CFAP47: variants seen among roughly 807,000 people sequenced by gnomAD.
CFAP47 encodes cilia and flagella associated protein 47, also known as cilia- and flagella-associated protein 47.
CFAP47 carries 29 observed loss-of-function variants against 148.1 expected under a neutral mutation model. The observed-to-expected ratio is 0.20, with a 90% CI of 0.15 to 0.27. The LOEUF is 0.27. CFAP47 is among the 10% of genes least tolerant of loss of function. CFAP47 has a pLI of 1.00. For synonymous variants in CFAP47, 664 were observed against 577.3 expected, an observed-to-expected ratio of 1.15 and a Z score of -2.15; for missense variants, 1,872 against 1,697.5, an observed-to-expected ratio of 1.10 and a Z score of -1.81.
intron 40 of CFAP47, among the ~76,000 whole-genome samples, chrX:36,181,061 T>C (rs73472859): frequency 0.017 from 1,913 of 112,076 alleles, 49 homozygotes; most frequent in African/African-American, 0.058. Context: ...CTGAATGGAC[T>C]TCAAATAACT....
At chrX:36,352,966 CA>C (rs2146986101) in intron 59 of CFAP47, among the ~76,000 whole-genome samples, 1 of 105,661 alleles carries the variant, frequency 9.5e-6, no homozygotes, top group East Asian at 3.1e-4. Context: ...AAAAGTAAAT[CA>C]AAAATAATTT....
chrX:36,327,725 C>T (rs1941529306), intron 57 of CFAP47, among the ~76,000 whole-genome samples: 1 of 111,673 alleles, frequency 9.0e-6, no homozygotes, highest in Non-Finnish European at 1.9e-5. Context: ...TCTAGGTGCC[C>T]ATCAACCGTG....
At chrX:36,327,601 C>A (rs1252183248) in intron 57 of CFAP47, among the ~76,000 whole-genome samples, 1 of 111,512 alleles carries the variant, frequency 9.0e-6, no homozygotes, top group Non-Finnish European at 1.9e-5. Context: ...TTTGACCCAG[C>A]AATTCCATTA....
intron 63 of CFAP47, among the ~76,000 whole-genome samples, chrX:36,382,789 A>G (rs1467613495): frequency 9.0e-6 from 1 of 111,310 alleles, no homozygotes. Flanking sequence ...GTTGAGAAGT[A>G]TAATTGTCAA....
At chrX:36,041,925 C>CAAAAAAAA (rs61099689) in intron 25 of CFAP47, among the ~76,000 whole-genome samples, 1 of 30,590 alleles carries the variant, frequency 3.3e-5, no homozygotes, top group Non-Finnish European at 6.9e-5. Context: ...GACTCCATCT[C>CAAAAAAAA]AAAAAAAAAA....
At chrX:36,096,812 G>T (rs1217520188) in intron 30 of CFAP47, among the ~76,000 whole-genome samples, 1 of 110,495 alleles carries the variant, frequency 9.1e-6, no homozygotes, top group African/African-American at 3.3e-5. Flanking sequence ...TATATATTTT[G>T]ATTTAATACT....
chrX:35,972,221 ATTTC>A (rs113235076), intron 13 of CFAP47, among the ~76,000 whole-genome samples: 15,683 of 108,156 alleles, frequency 0.15, 1,249 homozygotes, highest in East Asian at 0.29. Context: ...GTTACTCTCT[ATTTC>A]TTTCTTTCTT....
chrX:36,204,266 T>C (rs1940014451), intron 44 of CFAP47, among the ~76,000 whole-genome samples: 1 of 111,535 alleles, frequency 9.0e-6, no homozygotes, highest in African/African-American at 3.3e-5. Flanking sequence ...TAGATCCCAT[T>C]TGTCAATTTT....
intron 21 of CFAP47, among the ~76,000 whole-genome samples, chrX:36,008,903 C>T (rs1380147806): frequency 8.9e-6 from 1 of 111,797 alleles, no homozygotes; most frequent in Non-Finnish European, 1.9e-5. Context: ...TAGTCATCTC[C>T]AGACATGCTC....
intron 24 of CFAP47, among the ~76,000 whole-genome samples, chrX:36,037,088 A>G (rs970140106): frequency 8.1e-5 from 9 of 111,436 alleles, no homozygotes; most frequent in African/African-American, 2.3e-4. Flanking sequence ...CTCTAGTTTC[A>G]TCTCCATTTC....
chrX:36,259,615 T>G (rs1940793539), intron 49 of CFAP47, among the ~76,000 whole-genome samples: 1 of 111,630 alleles, frequency 9.0e-6, no homozygotes, highest in Non-Finnish European at 1.9e-5. Context: ...CGTTTGTCAA[T>G]GGCAGAGCTG....
intron 50 of CFAP47, among the ~76,000 whole-genome samples, chrX:36,282,078 A>G (rs1941084750): frequency 9.0e-6 from 1 of 111,433 alleles, no homozygotes; most frequent in Non-Finnish European, 1.9e-5. Flanking sequence ...AGTTTTGGAG[A>G]TTGTAACACT....
At chrX:35,992,460 G>T (rs764363961) in intron 17 of CFAP47, among the ~76,000 whole-genome samples, 36 of 110,476 alleles carry the variant, frequency 3.3e-4, no homozygotes, top group African/African-American at 1.2e-3. Flanking sequence ...TTTAGCATTT[G>T]AGATTTTCCA....
chrX:36,100,831 C>A (rs1938363608), intron 32 of CFAP47, among the ~76,000 whole-genome samples: 1 of 111,729 alleles, frequency 9.0e-6, no homozygotes, highest in South Asian at 3.7e-4. Flanking sequence ...GTCACAGGCG[C>A]ACATTCTTTC....
intron 46 of CFAP47, among the ~76,000 whole-genome samples, chrX:36,235,229 T>C (rs1204095546): frequency 8.9e-6 from 1 of 111,973 alleles, no homozygotes; most frequent in Non-Finnish European, 1.9e-5. Context: ...AGGTGGAGCA[T>C]ACAGAGGCAG....
At chrX:36,370,299 G>A (rs1941919766) in intron 62 of CFAP47, among the ~76,000 whole-genome samples, 1 of 89,131 alleles carries the variant, frequency 1.1e-5, no homozygotes, top group Non-Finnish European at 2.1e-5. Context: ...CCCTCCCTGT[G>A]TCCATGTGTT....
intron 40 of CFAP47, among the ~76,000 whole-genome samples, chrX:36,187,365 T>C (rs1371033623): frequency 8.9e-6 from 1 of 111,838 alleles, no homozygotes; most frequent in Non-Finnish European, 1.9e-5. Flanking sequence ...GAAGCCCAAA[T>C]TGGTCTGCTT....
chrX:35,981,860 CT>C (rs1455611131), intron 15 of CFAP47, among the ~76,000 whole-genome samples: 2 of 111,945 alleles, frequency 1.8e-5, no homozygotes, highest in East Asian at 5.6e-4. Context: ...TGATCACATT[CT>C]TTTTTATGGC....
chrX:36,187,682 A>C (rs1555985879), intron 40 of CFAP47, among the ~76,000 whole-genome samples: 12 of 111,683 alleles, frequency 1.1e-4, no homozygotes, highest in Non-Finnish European at 3.8e-5. Flanking sequence ...CCTTTTTTTA[A>C]AAAAGATATA....
Sources: gnomAD v4.1 joint callset for allele counts (sites outside exome capture counted in the v4.1 genomes callset) on GRCh38, gnomAD v4.1.1 for gene constraint, MANE v1.5 for transcripts, NCBI Gene and HGNC (gene_info 2026-07-23, HGNC 2026-07-21) for gene names.